The following DSCAML1 variants were observed in gnomAD, a reference collection of about 807,000 sequenced individuals.
DSCAML1 encodes DS cell adhesion molecule like 1, also known as cell adhesion molecule DSCAML1.
DSCAML1 carries 38 observed loss-of-function variants against 200.5 expected under a neutral mutation model. That is an observed-to-expected ratio of 0.19 (90% CI 0.15 to 0.25). The LOEUF (loss-of-function observed/expected upper bound fraction) is 0.25, where lower values mean the gene tolerates loss of function less well. DSCAML1 is among the 10% of genes least tolerant of loss of function. The pLI is 1.00. For synonymous variants in DSCAML1, 1,215 were observed against 1,165.0 expected (o/e 1.04, Z -0.87); for missense variants, 2,223 against 2,858.8 (o/e 0.78, Z 5.07).
Position 117,518,424 on chromosome 11 carries a change from G to T in DSCAML1, c.1510+42C>A. On this transcript the variant is annotated intron_variant, in intron 7 of 32. Coordinates refer to ENST00000651296, the MANE Select transcript of DSCAML1 (RefSeq NM_020693.4). This position sits in a 1 kb window ranked among gnomAD's most constrained non-coding sequence, Gnocchi z 6.3. ...AATGGTAACCACAGAGATGGCAAAG[G>T]AACTCAAAAACCTATTCTGATATTT... is the stretch of plus-strand genomic sequence containing the variant. The T allele has an allele frequency of 3.1e-6, 5 of 1,611,258 alleles. No homozygotes were observed. Among genetic ancestry groups the T allele is most frequent in the South Asian group, 1.1e-5 (1 of 90,846 alleles).
chr11:117,623,776 T>G (rs2051987832), intron 3 of DSCAML1, among the ~76,000 whole-genome samples: 1 of 152,222 alleles, frequency 6.6e-6, no homozygotes. Flanking sequence ...TTTTGGTTAT[T>G]ATTGTTAACC....
intron 3 of DSCAML1, among the ~76,000 whole-genome samples, chr11:117,655,584 C>G (rs1230791018): frequency 6.6e-6 from 1 of 152,174 alleles, no homozygotes; most frequent in Non-Finnish European, 1.5e-5. Flanking sequence ...TCAGGCCTTC[C>G]ATCAGGAGCT....
At chr11:117,715,665 G>A (rs2053941095) in intron 3 of DSCAML1, among the ~76,000 whole-genome samples, 1 of 152,146 alleles carries the variant, frequency 6.6e-6, no homozygotes, top group Non-Finnish European at 1.5e-5. Context: ...GATGAGTACG[G>A]GACTGGGATG....
chr11:117,795,984 T>C (rs2134078260), intron 1 of DSCAML1, among the ~76,000 whole-genome samples: 1 of 152,156 alleles, frequency 6.6e-6, no homozygotes, highest in East Asian at 1.9e-4. Flanking sequence ...TGTTGGAGCG[T>C]GTGTGCTCCA....
At chr11:117,491,751 A>G (rs1185592599) in intron 11 of DSCAML1, among the ~76,000 whole-genome samples, 1 of 152,242 alleles carries the variant, frequency 6.6e-6, no homozygotes, top group Non-Finnish European at 1.5e-5. Flanking sequence ...TCCAGCCTGT[A>G]CAACAGAGTG....
chr11:117,437,776 C>T lies in DSCAML1; in HGVS notation c.4432+119G>A. ...GGCTGAGGCTCCTCCCTTCAGTCTCCCTGCATCCCTGGACCCCTCCTTCCC... is the reference window on the plus strand; with the variant it reads ...GGCTGAGGCTCCTCCCTTCAGTCTCTCTGCATCCCTGGACCCCTCCTTCCC... On this transcript the variant is annotated intron_variant, in intron 25 of 32. Transcript: ENST00000651296. The surrounding 1 kb of genome is among the most constrained non-coding windows in gnomAD (Gnocchi z 5.3). The T allele has an allele frequency of 8.8e-7, 1 of 1,131,712 alleles. No homozygotes were observed. Among genetic ancestry groups the T allele is most frequent in the Non-Finnish European group, 1.2e-6 (1 of 822,172 alleles). The allele number at this position is 1,131,712 out of a possible 1,614,324, so 70.1% of individuals were successfully genotyped here.
intron 3 of DSCAML1, among the ~76,000 whole-genome samples, chr11:117,674,698 G>A (rs1056707806): frequency 5.9e-5 from 9 of 152,116 alleles, no homozygotes; most frequent in South Asian, 2.1e-4. Context: ...CAATTCCATC[G>A]TGGGAGGGCC....
At chr11:117,562,014 G>A (rs981700159) in intron 3 of DSCAML1, among the ~76,000 whole-genome samples, 3 of 152,210 alleles carry the variant, frequency 2.0e-5, no homozygotes, top group Admixed American at 2.0e-4. Context: ...GGGGACAGTG[G>A]GAAGCAGGGG....
chr11:117,530,126 C>T (rs1162090356), intron 4 of DSCAML1, among the ~76,000 whole-genome samples: 1 of 152,106 alleles, frequency 6.6e-6, no homozygotes, highest in Non-Finnish European at 1.5e-5. Context: ...GCCCGCTTTT[C>T]TATTTGGGCT....
intron 1 of DSCAML1, among the ~76,000 whole-genome samples, chr11:117,815,199 A>C (rs1358810805): frequency 6.6e-6 from 1 of 152,044 alleles, no homozygotes; most frequent in East Asian, 1.9e-4. Flanking sequence ...CAGCTATCCA[A>C]GGGGCGGGAG....
intron 3 of DSCAML1, among the ~76,000 whole-genome samples, chr11:117,556,770 G>T (rs889242775): frequency 3.3e-5 from 5 of 152,202 alleles, no homozygotes; most frequent in Admixed American, 6.5e-5. Flanking sequence ...GCCCAGAGAA[G>T]TCAGCTTGTC....
chr11:117,724,023 A>T (rs1456650015), intron 3 of DSCAML1, among the ~76,000 whole-genome samples: 2 of 152,194 alleles, frequency 1.3e-5, no homozygotes, highest in Admixed American at 1.3e-4. Context: ...TCCAATTAAC[A>T]TTACACTAGC....
At chr11:117,713,420 A>G (rs570380269) in intron 3 of DSCAML1, among the ~76,000 whole-genome samples, 3 of 152,086 alleles carry the variant, frequency 2.0e-5, no homozygotes, top group East Asian at 1.9e-4. Flanking sequence ...CCGGCCACCA[A>G]TGCCCTCTTG....
chr11:117,658,618 A>C (rs918912330), intron 3 of DSCAML1, among the ~76,000 whole-genome samples: 1 of 152,236 alleles, frequency 6.6e-6, no homozygotes, highest in Non-Finnish European at 1.5e-5. Flanking sequence ...ACTCCATCCA[A>C]AGGCCCAAGT....
chr11:117,438,169 G>T, intron 24 of DSCAML1, 86 bp from the exon 25 acceptor site: 1 of 1,359,000 alleles, frequency 7.4e-7, no homozygotes, highest in Non-Finnish European at 1.0e-6. Context: ...CAGGGGGCTG[G>T]GCTCCAGGCA....
At chr11:117,632,226 G>C (rs917622384) in intron 3 of DSCAML1, among the ~76,000 whole-genome samples, 5 of 152,176 alleles carry the variant, frequency 3.3e-5, no homozygotes, top group African/African-American at 1.2e-4. Flanking sequence ...GTCTCCTAAA[G>C]CCTCCTTATC....
chr11:117,555,508 G>A (rs2050544594), intron 3 of DSCAML1, among the ~76,000 whole-genome samples: 1 of 152,208 alleles, frequency 6.6e-6, no homozygotes, highest in South Asian at 2.1e-4. Context: ...AGAGGAGGTT[G>A]CAGTTGAGCT....
At chr11:117,700,940 A>G (rs1455992407) in intron 3 of DSCAML1, among the ~76,000 whole-genome samples, 1 of 152,216 alleles carries the variant, frequency 6.6e-6, no homozygotes, top group East Asian at 1.9e-4. Flanking sequence ...AAGACAGCAC[A>G]GACTTTGCTT....
intron 3 of DSCAML1, among the ~76,000 whole-genome samples, chr11:117,682,669 C>A (rs1432198478): frequency 6.6e-6 from 1 of 150,394 alleles, no homozygotes; most frequent in Non-Finnish European, 1.5e-5. Context: ...AGGATTCTTC[C>A]AAGGGAGGGA....
Sources: allele counts gnomAD v4.1 joint callset (sites outside exome capture counted in the v4.1 genomes callset), GRCh38; gene constraint gnomAD v4.1.1; non-coding constraint Gnocchi (gnomAD v3.1); transcripts MANE v1.5; gene names NCBI Gene and HGNC (gene_info 2026-07-23, HGNC 2026-07-21).